Variants in SPATA16 observed in about 807,000 individuals in gnomAD.
SPATA16 encodes the protein spermatogenesis associated 16.
A neutral mutation model predicts 63.3 loss-of-function variants in SPATA16; 36 were observed. The observed-to-expected ratio is 0.57, with a 90% confidence interval of 0.44 to 0.75. The LOEUF is 0.75. Among genes scored for constraint, SPATA16 ranks in the 30% least tolerant of loss-of-function variants. The pLI is 0.00. For missense variants in SPATA16, 646 were observed against 679.3 expected, an observed-to-expected ratio of 0.95 and a Z score of 0.54; for synonymous variants, 203 against 216.7, an observed-to-expected ratio of 0.94 and a Z score of 0.56.
chr3:173,086,333 T>C (rs866434680), intron 2 of SPATA16, among the ~76,000 whole-genome samples: 3 of 152,204 alleles, frequency 2.0e-5, no homozygotes, highest in Admixed American at 6.5e-5. Context: ...GAGGTGTTTA[T>C]AGTATTCTCT....
At chr3:172,939,553 G>T (rs1439942652) in intron 6 of SPATA16, among the ~76,000 whole-genome samples, 1 of 152,198 alleles carries the variant, frequency 6.6e-6, no homozygotes, top group Non-Finnish European at 1.5e-5. Context: ...GGAATTTTTT[G>T]ACACGGAAGC....
chr3:172,920,507 C>G (rs976410370), intron 8 of SPATA16, among the ~76,000 whole-genome samples: 6 of 152,098 alleles, frequency 3.9e-5, no homozygotes, highest in Non-Finnish European at 5.9e-5. Context: ...ATTTAAAATG[C>G]TTTGGTTGAG....
At chr3:173,115,898 C>T (rs6774389) in intron 2 of SPATA16, among the ~76,000 whole-genome samples, 15,825 of 143,046 alleles carry the variant, frequency 0.11, 1,058 homozygotes, top group East Asian at 0.32. Context: ...TTTTTTTTTT[C>T]TTTTTTTTTT....
intron 5 of SPATA16, among the ~76,000 whole-genome samples, chr3:172,960,992 T>TTTTCTTTCTCTTTC (rs1733751206): frequency 1.3e-5 from 2 of 150,418 alleles, no homozygotes; most frequent in East Asian, 3.9e-4. Flanking sequence ...TCTCTTTCTT[T>TTTTCTTTCTCTTTC]TTTCTTTCTC....
At chr3:172,922,839 T>C (rs1292936005) in intron 8 of SPATA16, among the ~76,000 whole-genome samples, 2 of 152,046 alleles carry the variant, frequency 1.3e-5, no homozygotes, top group African/African-American at 4.8e-5. Context: ...GGAGAATCAT[T>C]TGAACCCTGG....
chr3:172,979,250 A>C (rs964004476), intron 4 of SPATA16, among the ~76,000 whole-genome samples: 7 of 152,110 alleles, frequency 4.6e-5, no homozygotes, highest in African/African-American at 1.4e-4. Flanking sequence ...AAAAGAAAAA[A>C]AAAAATAGTC....
At chr3:172,946,816 G>A (rs1275464211) in intron 6 of SPATA16, among the ~76,000 whole-genome samples, 4 of 151,850 alleles carry the variant, frequency 2.6e-5, no homozygotes, top group Non-Finnish European at 4.4e-5. Context: ...CACCACCTGC[G>A]GACTGAACAG....
intron 6 of SPATA16, among the ~76,000 whole-genome samples, chr3:172,936,325 C>T (rs2109593889): frequency 6.6e-6 from 1 of 152,272 alleles, no homozygotes; most frequent in Non-Finnish European, 1.5e-5. Flanking sequence ...AATGAAATCT[C>T]AATAAAAGCT....
chr3:173,079,748 TACAAATCA>T (rs2108312708), intron 2 of SPATA16, among the ~76,000 whole-genome samples: 2 of 152,284 alleles, frequency 1.3e-5, no homozygotes, highest in South Asian at 4.1e-4. Context: ...TTTAACATAC[TACAAATCA>T]ACAAAGGAAA....
chr3:172,961,018 TTC>T lies in SPATA16; in HGVS notation c.934-4196_934-4195del, dbSNP rs1320501055. Reference sequence around the variant, plus strand: ...TTTCTTTCTCTTTCTTTCTTTCTTTTTCTCTCTTTCTCTCTTTCTTTCTTTCT... The same window carrying T: ...TTTCTTTCTCTTTCTTTCTTTCTTTTTCTCTTTCTCTCTTTCTTTCTTTCT... On this transcript the variant is annotated intron_variant, in intron 5 of 10. Coordinates refer to ENST00000351008, the MANE Select transcript of SPATA16 (RefSeq NM_031955.6). Among the ~76,000 whole-genome samples the T allele has an allele frequency of 1.3e-4, 7 of 52,580 alleles. No homozygotes were observed. In the East Asian group the frequency reaches 1.4e-3, roughly 11 times the overall value. 34.5% of individuals were successfully genotyped at this position (52,580 alleles called of 152,430 possible). A position where few individuals can be genotyped will look rare whatever the true frequency, so the allele number is the denominator to read the frequency against.
intron 5 of SPATA16, among the ~76,000 whole-genome samples, chr3:172,966,466 A>G (rs553846005): frequency 4.6e-5 from 7 of 152,068 alleles, no homozygotes; most frequent in South Asian, 2.1e-4. Flanking sequence ...AGGCTGCACT[A>G]TATATATATA....
chr3:172,946,895 T>A (rs755431952), intron 6 of SPATA16, among the ~76,000 whole-genome samples: 1 of 152,188 alleles, frequency 6.6e-6, no homozygotes, highest in African/African-American at 2.4e-5. Flanking sequence ...AGGGACCCAG[T>A]GCTTTGCAGT....
chr3:173,000,335 G>A (rs1490318877), intron 4 of SPATA16, among the ~76,000 whole-genome samples: 2 of 152,152 alleles, frequency 1.3e-5, no homozygotes, highest in East Asian at 3.8e-4. Flanking sequence ...TTTTGTTAGA[G>A]TAACCCAAAT....
At position 173,056,038 on chromosome 3, in the gene SPATA16, A is replaced by G. The variant is rs113708100; in HGVS notation, c.613-6944T>C. Reference sequence around the variant, plus strand: ...AGGATAAATCGTATCTAAAGGAAGTAATTTTCCATAAGGTTTTACTGTGTT... The same window carrying G: ...AGGATAAATCGTATCTAAAGGAAGTGATTTTCCATAAGGTTTTACTGTGTT... On this transcript the variant is annotated intron_variant, in intron 2 of 10. Coordinates refer to ENST00000351008, the MANE Select transcript of SPATA16 (RefSeq NM_031955.6). Among the ~76,000 whole-genome samples, 1,094 of 152,318 alleles carry G rather than the reference A, an allele frequency of 7.2e-3. 6 individuals carry two copies. The highest frequency in any genetic ancestry group is 0.041 in the Middle Eastern group (12 of 294).
Position 172,916,413 on chromosome 3 carries a change from C to A in SPATA16, c.1407G>T (p.Gln469His). 1 of 1,613,900 alleles carries A rather than the reference C, an allele frequency of 6.2e-7. No individual in the cohort carries two copies. The highest frequency in any genetic ancestry group is 8.5e-7 in the Non-Finnish European group (1 of 1,179,832). The change falls in exon 9 of 11, where the codon CAG (glutamine) becomes CAT (histidine). Residue 469 changes from glutamine (Q) to histidine (H), a missense_variant. Physicochemically the swap from Gln to His is conservative, Grantham distance 24 (BLOSUM62 0). Coordinates refer to ENST00000351008, the MANE Select transcript of SPATA16 (RefSeq NM_031955.6). ...LQYASLLSQL[Q>H]RVKEQSQVIN... is the part of the protein sequence containing the mutation. ...TCACCTGGGACTGCTCCTTTACTCT[C>A]TGCAGCTGGCTGAGGAGGCTGGCAT...
At chr3:173,021,090 A>G (rs1735320513) in intron 3 of SPATA16, among the ~76,000 whole-genome samples, 1 of 152,218 alleles carries the variant, frequency 6.6e-6, no homozygotes, top group Non-Finnish European at 1.5e-5. Context: ...TTCAATTCCC[A>G]GAAACACTGC....
chr3:172,919,861 G>A (rs192362615), intron 8 of SPATA16, among the ~76,000 whole-genome samples: 1 of 152,032 alleles, frequency 6.6e-6, no homozygotes, highest in East Asian at 1.9e-4. Context: ...GTGTGTTTGT[G>A]TGTGTGTTTT....
chr3:173,044,535 A>G (rs1735914217), intron 3 of SPATA16, among the ~76,000 whole-genome samples: 1 of 152,178 alleles, frequency 6.6e-6, no homozygotes, highest in South Asian at 2.1e-4. Context: ...ATGTACTTTC[A>G]TAGGTTTGTT....
At chr3:172,908,964 C>T (rs139719145) in intron 10 of SPATA16, among the ~76,000 whole-genome samples, 1,809 of 152,216 alleles carry the variant, frequency 0.012, 10 homozygotes, top group Non-Finnish European at 0.019. Flanking sequence ...GTCACATTAA[C>T]CAAATTAAAA....
Sources: allele counts gnomAD v4.1 joint callset (sites outside exome capture counted in the v4.1 genomes callset), GRCh38; gene constraint gnomAD v4.1.1; transcripts MANE v1.5; gene names NCBI Gene and HGNC (gene_info 2026-07-23, HGNC 2026-07-21).